PRKACB: variants seen among roughly 807,000 people sequenced by gnomAD.
PRKACB encodes the protein cAMP-dependent protein kinase catalytic subunit beta.
A neutral mutation model predicts 51.4 loss-of-function variants in PRKACB; 16 were observed. The observed-to-expected ratio is 0.31, with a 90% CI of 0.21 to 0.47. The LOEUF (loss-of-function observed/expected upper bound fraction) is 0.47, where lower values mean the gene tolerates loss of function less well. Among genes scored for constraint, PRKACB ranks in the 20% least tolerant of loss-of-function variants. PRKACB has a pLI of 1.00. For synonymous variants in PRKACB, 147 were observed against 154.4 expected (o/e 0.95, Z 0.35); for missense variants, 309 against 464.5 (o/e 0.67, Z 3.08).
chr1:84,135,062 A>G (rs552846878), intron 1 of PRKACB, among the ~76,000 whole-genome samples: 1 of 152,230 alleles, frequency 6.6e-6, no homozygotes, highest in Non-Finnish European at 1.5e-5. Flanking sequence ...TAAGGTAAAA[A>G]GGAGCGAGAT....
chr1:84,185,290 G>T, intron 5 of PRKACB, 108 bp downstream of exon 5: 1 of 769,364 alleles, frequency 1.3e-6, no homozygotes, highest in Non-Finnish European at 2.0e-6. Context: ...TTAATATTTT[G>T]GCCATATGAA....
intron 1 of PRKACB, chr1:84,085,609 CAAAT>C (rs1647909822): frequency 6.4e-6 from 1 of 155,690 alleles, no homozygotes; most frequent in Non-Finnish European, 1.4e-5. Flanking sequence ...CTCAATTGAG[CAAAT>C]AAATATATGG....
upstream of PRKACB, among the ~76,000 whole-genome samples, chr1:84,143,406 G>A (rs142947644): frequency 5.2e-4 from 79 of 152,116 alleles, no homozygotes; most frequent in East Asian, 6.6e-3. Context: ...AGCAGAGGTC[G>A]CACCACTGCA....
intron 1 of PRKACB, among the ~76,000 whole-genome samples, chr1:84,131,340 A>G (rs12742131): frequency 0.6 from 74,008 of 123,030 alleles, 18,859 homozygotes; most frequent in Non-Finnish European, 0.65. Context: ...GCAAAACTCC[A>G]TCTCAAAAAA....
chr1:84,106,786 C>T (rs1300312841), intron 1 of PRKACB, among the ~76,000 whole-genome samples: 1 of 152,018 alleles, frequency 6.6e-6, no homozygotes, highest in African/African-American at 2.4e-5. Context: ...AAAAAGAGCC[C>T]AAATAGCCAA....
chr1:84,156,764 A>G (rs148283796), intron 1 of PRKACB, among the ~76,000 whole-genome samples: 56 of 152,314 alleles, frequency 3.7e-4, no homozygotes, highest in African/African-American at 1.3e-3. Flanking sequence ...GATTCATATA[A>G]ATATCTGGAC....
chr1:84,182,061 T>C (rs1439276388), intron 2 of PRKACB, 139 bp from the exon 3 acceptor site: 2 of 643,662 alleles, frequency 3.1e-6, no homozygotes, highest in African/African-American at 3.8e-5. Context: ...AACTGGAATC[T>C]CAATAGCTTT....
rs925407214 is a variant in PRKACB, at chr1:84,111,205, A to G, written c.46+32834A>G. Among the ~76,000 whole-genome samples the G allele has an allele frequency of 2.6e-5, 4 of 152,090 alleles. No individual in the cohort carries two copies. The East Asian group carries it at 7.7e-4, about 29-fold the overall frequency. ...CTTTATCTTGTTTCATTTTTTCCCT[A>G]TCACTTCTTAAAGTACTTTTTAAGG... On this transcript the variant is annotated intron_variant, in intron 1 of 8. Transcript: ENST00000370688.
chr1:84,125,442 A>G (rs1363679349), intron 1 of PRKACB, among the ~76,000 whole-genome samples: 12 of 152,202 alleles, frequency 7.9e-5, no homozygotes, highest in Admixed American at 7.9e-4. Context: ...AGAGGAATCT[A>G]TTTAGTCACT....
chr1:84,173,201 G>A lies in PRKACB; in HGVS notation c.188-5976G>A, dbSNP rs1422874087. 3 of 575,916 alleles carry A rather than the reference G, an allele frequency of 5.2e-6. No individual in the cohort carries two copies. The African/African-American group carries it at 5.9e-5, about 11-fold the overall frequency. The allele number at this position is 575,916 out of a possible 1,614,324, so 35.7% of individuals were successfully genotyped here. A position where few individuals can be genotyped will look rare whatever the true frequency, so the allele number is the denominator to read the frequency against. On this transcript the variant is annotated intron_variant, in intron 1 of 9. Transcript: ENST00000370685. Reference sequence around the variant, plus strand: ...TCCTTATATAATACATTTTTGGTATGTATGTTCAATTGTTTTATCATTCTA... The same window carrying A: ...TCCTTATATAATACATTTTTGGTATATATGTTCAATTGTTTTATCATTCTA...
At chr1:84,083,669 A>T (rs993573138) in intron 1 of PRKACB, among the ~76,000 whole-genome samples, 2 of 152,230 alleles carry the variant, frequency 1.3e-5, no homozygotes, top group Admixed American at 6.5e-5. Context: ...TTCTATATCT[A>T]GGTGATAAAT....
intron 1 of PRKACB, among the ~76,000 whole-genome samples, chr1:84,113,070 T>C (rs565608366): frequency 2.3e-3 from 343 of 152,318 alleles, no homozygotes; most frequent in Middle Eastern, 0.01. Context: ...AATTACTAAA[T>C]ATGAAATTTA....
chr1:84,171,217 AAAAG>A (rs901169817), intron 1 of PRKACB, among the ~76,000 whole-genome samples: 25 of 151,598 alleles, frequency 1.6e-4, no homozygotes, highest in African/African-American at 5.3e-4. Context: ...CAAATTAGGA[AAAAG>A]AAAGACATTC....
chr1:84,136,494 A>C (rs1032987467), intron 1 of PRKACB, among the ~76,000 whole-genome samples: 2 of 151,228 alleles, frequency 1.3e-5, no homozygotes, highest in African/African-American at 4.9e-5. Context: ...CCAAAACCAC[A>C]CACACACACA....
intron 1 of PRKACB, among the ~76,000 whole-genome samples, chr1:84,097,507 G>A (rs1320672140): frequency 6.6e-6 from 1 of 151,976 alleles, no homozygotes; most frequent in Non-Finnish European, 1.5e-5. Flanking sequence ...ACCAATAGGA[G>A]GGGTGTGTGT....
intron 2 of PRKACB, chr1:84,181,786 C>T: frequency 1.6e-6 from 2 of 1,270,280 alleles, no homozygotes; most frequent in Admixed American, 2.5e-5. Flanking sequence ...CAGTTATTTG[C>T]AAGTGCATTA....
chr1:84,217,788 T>C (rs1445223129), intron 9 of PRKACB, among the ~76,000 whole-genome samples: 1 of 152,158 alleles, frequency 6.6e-6, no homozygotes, highest in African/African-American at 2.4e-5. Flanking sequence ...GCTGAGACCC[T>C]GTCTCTGAAA....
intron 1 of PRKACB, among the ~76,000 whole-genome samples, chr1:84,092,885 G>GTT (rs574177116): frequency 2.2e-5 from 3 of 133,766 alleles, no homozygotes; most frequent in South Asian, 4.9e-4. Flanking sequence ...TTTATAAAAT[G>GTT]TTTTTTTTTT....
chr1:84,138,509 C>CAAAAT (rs1558003556), intron 1 of PRKACB, among the ~76,000 whole-genome samples: 1 of 152,034 alleles, frequency 6.6e-6, no homozygotes, highest in African/African-American at 2.4e-5. Context: ...TTATTGAAGA[C>CAAAAT]ATTGTATTAG....
Sources: gnomAD v4.1 joint callset for allele counts (sites outside exome capture counted in the v4.1 genomes callset) on GRCh38, gnomAD v4.1.1 for gene constraint, MANE v1.5 for transcripts, NCBI Gene and HGNC (gene_info 2026-07-23, HGNC 2026-07-21) for gene names.